ROBO2: variants seen among roughly 807,000 people sequenced by gnomAD.
ROBO2 encodes roundabout guidance receptor 2, also known as roundabout homolog 2.
A neutral mutation model predicts 160.8 loss-of-function variants in ROBO2; 53 were observed. The ratio of observed to expected loss-of-function variants is 0.33; its 90% CI spans 0.26 to 0.41. The LOEUF is 0.41. Ranked by LOEUF, ROBO2 falls within the 10% of genes least tolerant of loss-of-function variation. The pLI is 1.00. For synonymous variants in ROBO2, 664 were observed against 611.7 expected, an observed-to-expected ratio of 1.09 and a Z score of -1.26; for missense variants, 1,577 against 1,722.4, an observed-to-expected ratio of 0.92 and a Z score of 1.49.
chr3:77,054,302 A>G (rs186222371), intron 1 of ROBO2, among the ~76,000 whole-genome samples: 14 of 152,304 alleles, frequency 9.2e-5, no homozygotes, highest in African/African-American at 3.4e-4. Context: ...GTACTGTATT[A>G]CACATATTAG....
intron 2 of ROBO2, among the ~76,000 whole-genome samples, chr3:77,131,521 A>G (rs2075851260): frequency 6.6e-6 from 1 of 152,230 alleles, no homozygotes; most frequent in Non-Finnish European, 1.5e-5. Flanking sequence ...CAACCAACAA[A>G]CAAAAATCAA....
At chr3:76,210,810 C>G (rs180753212) in intron 2 of ROBO2, among the ~76,000 whole-genome samples, 61 of 152,146 alleles carry the variant, frequency 4.0e-4, no homozygotes, top group Middle Eastern at 3.4e-3. Context: ...AGGTAAGATG[C>G]AGGATTCTTA....
intron 2 of ROBO2, among the ~76,000 whole-genome samples, chr3:77,277,091 AAG>A (rs1230780850): frequency 2.0e-5 from 3 of 151,700 alleles, no homozygotes; most frequent in Non-Finnish European, 2.9e-5. Context: ...TAAAAAGAAA[AAG>A]AGAGAGAGAG....
At position 75,983,719 on chromosome 3, in the gene ROBO2, T is replaced by C. The variant is rs538672523; in HGVS notation, c.109+46117T>C. Among the ~76,000 whole-genome samples, 6 of 151,352 alleles carry C rather than the reference T, an allele frequency of 4.0e-5. No individual in the cohort carries two copies. In the East Asian group the frequency reaches 1.2e-3, roughly 29 times the overall value. On this transcript the variant is annotated intron_variant, in intron 2 of 26. Transcript: ENST00000487694. ...AGATTTCCTAACTGAATTTTTGATA[T>C]CAACTCCAGTCATCACAGGGTAGAT...
chr3:77,179,612 A>G (rs957732395), intron 2 of ROBO2, among the ~76,000 whole-genome samples: 2 of 152,154 alleles, frequency 1.3e-5, no homozygotes, highest in African/African-American at 2.4e-5. Flanking sequence ...AATTAATAAC[A>G]TTAAAAACAG....
chr3:77,450,555 G>GT (rs2081011867), intron 2 of ROBO2, among the ~76,000 whole-genome samples: 1 of 152,018 alleles, frequency 6.6e-6, no homozygotes, highest in African/African-American at 2.4e-5. Flanking sequence ...ATTACTATTA[G>GT]TACTGGTATA....
chr3:76,085,790 A>C (rs963237694), intron 2 of ROBO2, among the ~76,000 whole-genome samples: 4 of 152,114 alleles, frequency 2.6e-5, no homozygotes, highest in African/African-American at 9.7e-5. Flanking sequence ...ACTGTGGACA[A>C]CTCTGAGAAT....
intron 2 of ROBO2, among the ~76,000 whole-genome samples, chr3:75,978,750 G>A (rs2065197307): frequency 6.6e-6 from 1 of 151,510 alleles, no homozygotes; most frequent in Non-Finnish European, 1.5e-5. Flanking sequence ...TAACTTTACA[G>A]AATAAACAGA....
At chr3:76,229,925 T>C (rs954821253) in intron 2 of ROBO2, among the ~76,000 whole-genome samples, 2 of 152,184 alleles carry the variant, frequency 1.3e-5, no homozygotes, top group African/African-American at 4.8e-5. Flanking sequence ...TACCACCCTG[T>C]GCTGAGATAG....
chr3:76,954,402 C>T (rs907655810), intron 2 of ROBO2, among the ~76,000 whole-genome samples: 1 of 152,146 alleles, frequency 6.6e-6, no homozygotes, highest in Non-Finnish European at 1.5e-5. Context: ...ACGAGTAGTT[C>T]TCTGAATGTA....
At chr3:76,160,005 G>A (rs1375582521) in intron 2 of ROBO2, among the ~76,000 whole-genome samples, 1 of 152,104 alleles carries the variant, frequency 6.6e-6, no homozygotes, top group East Asian at 1.9e-4. Flanking sequence ...CGTTGTTGTG[G>A]TGGAGAAAGA....
At chr3:76,802,570 T>TA (rs1234159555) in intron 2 of ROBO2, among the ~76,000 whole-genome samples, 1 of 151,624 alleles carries the variant, frequency 6.6e-6, no homozygotes, top group Non-Finnish European at 1.5e-5. Flanking sequence ...CTACTAAAAA[T>TA]ACAGAAAAAT....
intron 2 of ROBO2, among the ~76,000 whole-genome samples, chr3:76,447,130 G>A (rs1022189508): frequency 6.6e-6 from 1 of 152,142 alleles, no homozygotes; most frequent in Non-Finnish European, 1.5e-5. Flanking sequence ...GAAAATGTTT[G>A]CAATCTACTC....
chr3:76,810,403 A>G (rs568058302), intron 2 of ROBO2, among the ~76,000 whole-genome samples: 10 of 151,040 alleles, frequency 6.6e-5, no homozygotes, highest in Non-Finnish European at 7.4e-5. Context: ...TCTGGGTGAA[A>G]GAAGAATATT....
chr3:77,523,296 T>C (rs1027327014), intron 6 of ROBO2, among the ~76,000 whole-genome samples: 7 of 151,436 alleles, frequency 4.6e-5, no homozygotes, highest in African/African-American at 1.5e-4. Flanking sequence ...TTTATACTAG[T>C]AGCATACTGT....
At chr3:77,326,607 G>A (rs1255454189) in intron 2 of ROBO2, among the ~76,000 whole-genome samples, 1 of 152,098 alleles carries the variant, frequency 6.6e-6, no homozygotes, top group Admixed American at 6.5e-5. Context: ...TCTAGAATGT[G>A]TCTTTGTATG....
intron 2 of ROBO2, among the ~76,000 whole-genome samples, chr3:76,610,910 G>A (rs1014249153): frequency 7.2e-5 from 11 of 152,216 alleles, no homozygotes; most frequent in South Asian, 2.1e-4. Context: ...AATAAGGTGC[G>A]TGGACACTGG....
At chr3:75,935,408 A>G (rs933462818) in intron 1 of ROBO2, among the ~76,000 whole-genome samples, 1 of 152,060 alleles carries the variant, frequency 6.6e-6, no homozygotes, top group African/African-American at 2.4e-5. Context: ...GCTACTCGAG[A>G]GGCCGAGGCA....
intron 2 of ROBO2, among the ~76,000 whole-genome samples, chr3:77,116,967 G>A (rs1290007411): frequency 6.6e-6 from 1 of 152,142 alleles, no homozygotes; most frequent in Non-Finnish European, 1.5e-5. Flanking sequence ...AACATGCTCA[G>A]CTACCTGTGT....
Sources: allele counts gnomAD v4.1 joint callset (sites outside exome capture counted in the v4.1 genomes callset), GRCh38; gene constraint gnomAD v4.1.1; transcripts MANE v1.5; gene names NCBI Gene and HGNC (gene_info 2026-07-23, HGNC 2026-07-21).